The following ATG16L1 variants were observed in gnomAD, a reference collection of about 807,000 sequenced individuals.
The protein encoded by ATG16L1 is autophagy related 16 like 1.
In ATG16L1, 37 loss-of-function variants were observed where a neutral mutation model predicts 88.5. That is an observed-to-expected ratio of 0.42 (90% CI 0.32 to 0.55). The LOEUF (loss-of-function observed/expected upper bound fraction) is 0.55. Ranked by LOEUF, ATG16L1 falls within the 20% of genes least tolerant of loss-of-function variation. The pLI, the probability that ATG16L1 is intolerant of heterozygous loss-of-function variation, is 0.13. For missense variants in ATG16L1, 554 were observed against 752.8 expected (o/e 0.74, Z 3.09); for synonymous variants, 301 against 281.0 (o/e 1.07, Z -0.71).
At chr2:233,288,568 C>T (rs1339544190) in intron 12 of ATG16L1, 4 of 342,260 alleles carry the variant, frequency 1.2e-5, no homozygotes, top group African/African-American at 8.6e-5. Context: ...CAGTGTGAGC[C>T]ACTTTGCCAA....
At chr2:233,252,061 C>G (rs983553528) in intron 1 of ATG16L1, 119 bp downstream of exon 1, 2 of 784,074 alleles carry the variant, frequency 2.6e-6, no homozygotes, top group Admixed American at 4.1e-5. Context: ...GCGGCCGCCC[C>G]GGGTAACCCG....
Position 233,264,841 on chromosome 2 carries a change from G to A in ATG16L1, c.390-51G>A, listed in dbSNP as rs1697458954. ...CACTCAGCCAGGTCCGTCTGGCTCT[G>A]GCACAGGGCTCTGGCGAGGTACTAT... is the stretch of plus-strand genomic sequence containing the variant. On this transcript the variant is annotated intron_variant, in intron 4 of 17. Transcript: ENST00000392017. 3.7e-6 allele frequency: 6 copies of A among 1,606,002 alleles called. No individual in the cohort carries two copies. In the East Asian group the frequency reaches 1.3e-4, roughly 36 times the overall value.
At chr2:233,280,713 A>G (rs7600743) in intron 10 of ATG16L1, among the ~76,000 whole-genome samples, 10,248 of 152,312 alleles carry the variant, frequency 0.067, 428 homozygotes, top group South Asian at 0.17. Flanking sequence ...AATGCTGATC[A>G]ACCCAAATAT....
rs1212553296 is a variant in ATG16L1, at chr2:233,271,365, G to A, written c.707+1298G>A. Among the ~76,000 whole-genome samples the A allele has an allele frequency of 3.9e-5, 6 of 152,186 alleles. No homozygotes were observed. The South Asian group carries it at 6.2e-4, about 16-fold the overall frequency. The stretch of plus-strand genomic sequence containing the variant: ...GCAATCTCAGCTCACTGCAACCTCC[G>A]CCTCCCAGGTTTAAGCGACTCTCCT... On this transcript the variant is annotated intron_variant, in intron 6 of 17. Transcript: ENST00000392017.
intron 6 of ATG16L1, among the ~76,000 whole-genome samples, chr2:233,272,600 C>A (rs1171777260): frequency 1.3e-5 from 2 of 152,134 alleles, no homozygotes; most frequent in African/African-American, 4.8e-5. Context: ...GTACTGCAGC[C>A]CTTCAACAGT....
At chr2:233,274,330 A>T in intron 8 of ATG16L1, 1 of 476,200 alleles carries the variant, frequency 2.1e-6, no homozygotes, top group Admixed American at 3.7e-5. Context: ...TGCAAAAAAG[A>T]CCAAAGAGCT....
At position 233,251,881 on chromosome 2, in the gene ATG16L1, G is replaced by C. The variant is rs765689280; in HGVS notation, c.54G>C (p.Ser18=). The change falls in exon 1 of 18, where the codon TCG becomes TCC. Residue 18 remains serine, a synonymous_variant. Transcript: ENST00000392017. ...TCCCCCGCTGGAAGCGCCACATCTC[G>C]GAGCAACTGAGGCGCCGGGACCGGC... The part of the protein sequence containing the change: ...ADFPRWKRHI[S]EQLRRRDRLQ... The C allele has an allele frequency of 1.3e-6, 2 of 1,551,064 alleles. No individual in the cohort carries two copies. Among genetic ancestry groups the C allele is most frequent in the Non-Finnish European group, 8.7e-7 (1 of 1,147,668 alleles).
At chr2:233,269,354 A>C (rs904575596) in intron 5 of ATG16L1, among the ~76,000 whole-genome samples, 3 of 152,334 alleles carry the variant, frequency 2.0e-5, no homozygotes, top group Admixed American at 6.5e-5. Flanking sequence ...GTTAGTAATC[A>C]GGCTGTGGGT....
Position 233,263,143 on chromosome 2 carries a change from G to A in ATG16L1, c.223G>A (p.Gly75Ser), listed in dbSNP as rs748546562. Residue 75 changes from glycine to serine, a missense_variant, in exon 3 of 18, where the codon GGC becomes AGC. By Grantham distance (56) the Gly-to-Ser change is moderately conservative. Transcript: ENST00000392017. The stretch of plus-strand genomic sequence containing the variant: ...TTGCCAATTTAGTCCCGGACATGAT[G>A]GCACATGGAATGACAATCAGCTACA... ...NRHEISPGHD[G>S]TWNDNQLQEM... 3.1e-6 allele frequency: 5 copies of A among 1,613,894 alleles called. No homozygotes were observed. The highest frequency in any genetic ancestry group is 2.2e-5 in the East Asian group (1 of 44,888).
Position 233,251,827 on chromosome 2 carries a change from C to A in ATG16L1, c.-1C>A, listed in dbSNP as rs1040975649. 5 of 1,549,650 alleles carry A rather than the reference C, an allele frequency of 3.2e-6. No individual in the cohort carries two copies. The highest frequency in any genetic ancestry group is 1.2e-5 in the South Asian group (1 of 84,020). On this transcript the variant is annotated 5_prime_UTR_variant, in exon 1 of 18. Coordinates refer to ENST00000392017, the MANE Select transcript of ATG16L1 (RefSeq NM_030803.7). ...GCTGAGGTGCCGGGGCAGCAAGTGA[C>A]ATGTCGTCGGGCCTCCGCGCCGCTG...
Position 233,294,327 on chromosome 2 carries a change from G to A in ATG16L1, c.1801G>A (p.Ala601Thr). 1 of 1,613,740 alleles carries A rather than the reference G, an allele frequency of 6.2e-7. No individual in the cohort carries two copies. Among genetic ancestry groups the A allele is most frequent in the Non-Finnish European group, 8.5e-7 (1 of 1,179,914 alleles). ...HVVSVDKGCK[A>T]VLWAQY ...TGTCAGTGTGGACAAAGGATGCAAA[G>A]CTGTGCTGTGGGCACAGTACTGACG... The change falls in exon 18 of 18, where the codon GCT (alanine) becomes ACT (threonine). Residue 601 changes from alanine (A) to threonine (T), a missense_variant. Transcript: ENST00000392017.
chr2:233,252,564 A>T (rs192618811), intron 1 of ATG16L1, among the ~76,000 whole-genome samples: 314 of 151,896 alleles, frequency 2.1e-3, no homozygotes, highest in Non-Finnish European at 3.7e-3. Flanking sequence ...TTTAAAAAAA[A>T]ATTTTTTGGA....
At position 233,272,987 on chromosome 2, in the gene ATG16L1, T is replaced by C. The variant is rs148404040; in HGVS notation, c.729T>C (p.Ile243=). The change falls in exon 7 of 18, where the codon ATT becomes ATC. Residue 243 remains isoleucine (I), a synonymous_variant. Coordinates refer to ENST00000392017, the MANE Select transcript of ATG16L1 (RefSeq NM_030803.7). ...CCAGGGATGATGACATTGAGGTCAT[T>C]GTGGATGAAACTTCTGATCACACAG... ...PVEQDDDIEV[I]VDETSDHTEE... is the part of the protein sequence containing the mutation. 1.5e-3 allele frequency: 2,381 copies of C among 1,614,070 alleles called. 1 individual carries two copies. Among genetic ancestry groups the C allele is most frequent in the Non-Finnish European group, 1.9e-3 (2,275 of 1,179,924 alleles).
chr2:233,263,051 A>G, intron 2 of ATG16L1, 79 bp from the exon 3 acceptor site: 4 of 1,215,262 alleles, frequency 3.3e-6, no homozygotes, highest in South Asian at 1.3e-5. Context: ...TTCATTGCCT[A>G]ATTGGAAAGG....
chr2:233,281,607 A>G (rs1698724255), intron 11 of ATG16L1, among the ~76,000 whole-genome samples: 1 of 152,158 alleles, frequency 6.6e-6, no homozygotes, highest in Non-Finnish European at 1.5e-5. Flanking sequence ...TTCTGGGGCA[A>G]GGGTTAGGGG....
At chr2:233,281,819 C>G (rs764810976) in intron 11 of ATG16L1, among the ~76,000 whole-genome samples, 44 of 152,100 alleles carry the variant, frequency 2.9e-4, no homozygotes, top group Non-Finnish European at 1.0e-4. Context: ...CTCTGGGGAG[C>G]CTTGTTCACA....
At chr2:233,264,220 C>G in intron 4 of ATG16L1, 155 bp downstream of exon 4, 1 of 653,152 alleles carries the variant, frequency 1.5e-6, no homozygotes, top group East Asian at 3.0e-5. Context: ...GGATCCTTTT[C>G]TACCAGCTCT....
At position 233,294,742 on chromosome 2, in the gene ATG16L1, A is replaced by G. The variant is rs1699695802; in HGVS notation, c.*392A>G. 1 of 161,538 alleles carries G rather than the reference A, an allele frequency of 6.2e-6. No individual in the cohort carries two copies. Among genetic ancestry groups the G allele is most frequent in the South Asian group, 1.8e-4 (1 of 5,436 alleles). 10.0% of individuals were successfully genotyped at this position (161,538 alleles called of 1,614,324 possible). A position where few individuals can be genotyped will look rare whatever the true frequency, so the allele number is the denominator to read the frequency against. On this transcript the variant is annotated 3_prime_UTR_variant, in exon 18 of 18. Transcript: ENST00000392017. The stretch of plus-strand genomic sequence containing the variant: ...TCTGTGCTTTCTCTCGTCCTTCCAA[A>G]GTCGGTTCTGGCCTAACGCATGTCC...
intron 9 of ATG16L1, chr2:233,275,642 G>T: frequency 6.3e-6 from 3 of 473,424 alleles, no homozygotes; most frequent in South Asian, 4.7e-5. Context: ...CCGCTTTGGA[G>T]GAGGAGTTGG....
Sources: gnomAD v4.1 joint callset for allele counts (sites outside exome capture counted in the v4.1 genomes callset) on GRCh38, gnomAD v4.1.1 for gene constraint, MANE v1.5 for transcripts, NCBI Gene and HGNC (gene_info 2026-07-23, HGNC 2026-07-21) for gene names.